The following ANKRD26 variants were observed in gnomAD, a reference collection of about 807,000 sequenced individuals.
ANKRD26 encodes ankyrin repeat domain-containing protein 26.
A neutral mutation model predicts 208.7 loss-of-function variants in ANKRD26; 141 were observed. That is an observed-to-expected ratio of 0.68 (90% CI 0.59 to 0.78). The LOEUF (loss-of-function observed/expected upper bound fraction) is 0.78, where lower values mean the gene tolerates loss of function less well. Ranked by LOEUF, ANKRD26 falls within the 30% of genes least tolerant of loss-of-function variation. ANKRD26 has a pLI of 0.00. For missense variants in ANKRD26, 1,889 were observed against 1,938.7 expected, an observed-to-expected ratio of 0.97 and a Z score of 0.48; for synonymous variants, 636 against 660.4, an observed-to-expected ratio of 0.96 and a Z score of 0.57.
At chr10:27,007,874 CA>C (rs1458284930) in intron 32 of ANKRD26, among the ~76,000 whole-genome samples, 2 of 151,956 alleles carry the variant, frequency 1.3e-5, no homozygotes, top group Non-Finnish European at 2.9e-5. Flanking sequence ...CATGTAAACA[CA>C]AAATTTGCTC....
At chr10:27,097,640 TTTTTG>T (rs145431675) in intron 1 of ANKRD26, among the ~76,000 whole-genome samples, 22,569 of 151,692 alleles carry the variant, frequency 0.15, 1,797 homozygotes, top group East Asian at 0.28. Context: ...ATTTATCTTT[TTTTTG>T]TTTTGTTTTG....
intron 20 of ANKRD26, 58 bp downstream of exon 20, chr10:27,043,368 A>C: frequency 6.4e-7 from 1 of 1,569,414 alleles, no homozygotes; most frequent in South Asian, 1.1e-5. Flanking sequence ...CATTTATTAC[A>C]TTACATACAT....
At chr10:27,037,473 A>G (rs951126431) in intron 22 of ANKRD26, 150 bp from the exon 23 acceptor site, 1 of 871,706 alleles carries the variant, frequency 1.1e-6, no homozygotes, top group East Asian at 2.6e-5. Flanking sequence ...CTCAAATTTT[A>G]ATCACCTAAG....
At chr10:27,054,735 T>C (rs1168904632) in intron 15 of ANKRD26, among the ~76,000 whole-genome samples, 2 of 152,076 alleles carry the variant, frequency 1.3e-5, no homozygotes. Context: ...AAGCCTCAAA[T>C]AGCGTTATAT....
the ANKRD26 span, among the ~76,000 whole-genome samples, chr10:26,955,259 T>G: frequency 6.6e-6 from 1 of 151,796 alleles, no homozygotes; most frequent in Non-Finnish European, 1.5e-5. Flanking sequence ...TGAAACCCCA[T>G]CTCTACTAAA....
the ANKRD26 span, among the ~76,000 whole-genome samples, chr10:26,955,775 C>T: frequency 7.2e-5 from 11 of 152,254 alleles, no homozygotes; most frequent in Middle Eastern, 3.4e-3. Flanking sequence ...CAAGTGAGAA[C>T]ATTAAGAAGG....
intron 6 of ANKRD26, among the ~76,000 whole-genome samples, chr10:27,081,824 G>A (rs1287880437): frequency 2.0e-5 from 3 of 151,552 alleles, no homozygotes; most frequent in African/African-American, 7.3e-5. Context: ...TGCAACCTCC[G>A]CCTCCCGGGT....
chr10:27,091,689 A>C (rs2056303795), intron 4 of ANKRD26, among the ~76,000 whole-genome samples: 1 of 152,224 alleles, frequency 6.6e-6, no homozygotes, highest in Non-Finnish European at 1.5e-5. Context: ...AAGAAGTTCA[A>C]TATTGAGTTA....
chr10:27,061,311 C>T (rs2055047042), intron 12 of ANKRD26, 69 bp from the exon 13 acceptor site: 21 of 1,003,484 alleles, frequency 2.1e-5, no homozygotes, highest in Admixed American at 5.7e-5. Context: ...TTAATTGCCA[C>T]AGAATTAGAT....
At chr10:27,013,804 C>A (rs994609058) in intron 31 of ANKRD26, among the ~76,000 whole-genome samples, 1 of 152,160 alleles carries the variant, frequency 6.6e-6, no homozygotes, top group Non-Finnish European at 1.5e-5. Context: ...TCAAAAAGAA[C>A]TAAAGAGTCT....
In ANKRD26 at chr10:27,017,801, A is replaced by C; in HGVS notation, c.4216-9T>G. 1 of 1,610,356 alleles carries C rather than the reference A, an allele frequency of 6.2e-7. No individual in the cohort carries two copies. The highest frequency in any genetic ancestry group is 8.5e-7 in the Non-Finnish European group (1 of 1,179,210). ...GCTGTAAGATCATCAATCTGAATGA[A>C]GACAATAATATAGTGTAATAATGAA... On this transcript the variant is annotated splice_polypyrimidine_tract_variant and intron_variant, in intron 29 of 33. Transcript: ENST00000376087.
At chr10:27,087,198 CAGA>C (rs1251104268) in intron 4 of ANKRD26, among the ~76,000 whole-genome samples, 2 of 152,208 alleles carry the variant, frequency 1.3e-5, no homozygotes, top group South Asian at 2.1e-4. Flanking sequence ...GTCCTGAACC[CAGA>C]AGAAGTCCTG....
At position 27,100,294 on chromosome 10, in the gene ANKRD26, C is replaced by A; in HGVS notation, c.33G>T (p.Ser11=). Residue 11 remains serine, a synonymous_variant, in exon 1 of 34, where the codon TCG becomes TCT. Transcript: ENST00000376087. MKKIFSKKGE[S]PLGSFARRQR... is the part of the protein sequence containing the mutation. ...GCCGCCGCGCGAAGGAGCCCAAGGG[C>A]GACTCGCCCTTCTTACTAAAAATCT... The A allele has an allele frequency of 6.2e-7, 1 of 1,609,818 alleles. No individual in the cohort carries two copies. The highest frequency in any genetic ancestry group is 8.5e-7 in the Non-Finnish European group (1 of 1,179,572).
intron 12 of ANKRD26, among the ~76,000 whole-genome samples, chr10:27,063,140 T>C (rs960289145): frequency 3.3e-5 from 5 of 152,116 alleles, no homozygotes; most frequent in Non-Finnish European, 7.4e-5. Flanking sequence ...GCAGATGAAA[T>C]GTGCCATAGA....
chr10:26,963,806 A>G, the ANKRD26 span, among the ~76,000 whole-genome samples: 5 of 149,686 alleles, frequency 3.3e-5, no homozygotes, highest in South Asian at 2.1e-4. Context: ...ATGTATTTAC[A>G]TTGTAGTTAC....
chr10:27,078,997 AATG>A (rs964660700), intron 7 of ANKRD26, 89 bp downstream of exon 7: 51 of 1,017,590 alleles, frequency 5.0e-5, no homozygotes, highest in Non-Finnish European at 7.6e-5. Context: ...AACAGAAAAC[AATG>A]ATAAGTAGAC....
chr10:26,950,925 G>A, the ANKRD26 span, among the ~76,000 whole-genome samples: 1 of 151,408 alleles, frequency 6.6e-6, no homozygotes, highest in South Asian at 2.1e-4. Flanking sequence ...AACTGCCTCA[G>A]TGAATGGCCA....
intron 16 of ANKRD26, among the ~76,000 whole-genome samples, chr10:27,052,795 G>A (rs1022256040): frequency 1.3e-5 from 2 of 152,052 alleles, no homozygotes; most frequent in African/African-American, 4.8e-5. Context: ...TTGATTTTCT[G>A]ACCTCATTCT....
At chr10:27,044,493 A>C (rs1006356460) in intron 18 of ANKRD26, among the ~76,000 whole-genome samples, 1 of 152,070 alleles carries the variant, frequency 6.6e-6, no homozygotes, top group African/African-American at 2.4e-5. Context: ...TGTTACTTGC[A>C]TTATTCAATA....
Sources: gnomAD v4.1 joint callset for allele counts (sites outside exome capture counted in the v4.1 genomes callset) on GRCh38, gnomAD v4.1.1 for gene constraint, MANE v1.5 for transcripts, NCBI Gene and HGNC (gene_info 2026-07-23, HGNC 2026-07-21) for gene names.